Variants in PHACTR3 observed in about 807,000 individuals in gnomAD.
The protein encoded by PHACTR3 is phosphatase and actin regulator 3.
PHACTR3 carries 16 observed loss-of-function variants against 66.8 expected under a neutral mutation model. That is an observed-to-expected ratio of 0.24 (90% confidence interval 0.16 to 0.36). The LOEUF (loss-of-function observed/expected upper bound fraction) is 0.36. Ranked by LOEUF, PHACTR3 falls within the 10% of genes least tolerant of loss-of-function variation. The pLI, the probability that PHACTR3 is intolerant of heterozygous loss-of-function variation, is 1.00. For synonymous variants in PHACTR3, 323 were observed against 292.1 expected (o/e 1.11, Z -1.08); for missense variants, 647 against 719.9 (o/e 0.90, Z 1.16).
At chr20:59,831,216 C>T (rs1482588082) in intron 8 of PHACTR3, among the ~76,000 whole-genome samples, 1 of 152,204 alleles carries the variant, frequency 6.6e-6, no homozygotes, top group Non-Finnish European at 1.5e-5. Context: ...AACATACAGA[C>T]ATCCTTTTCC....
At chr20:59,684,249 T>C (rs2036773487) in intron 1 of PHACTR3, among the ~76,000 whole-genome samples, 1 of 152,144 alleles carries the variant, frequency 6.6e-6, no homozygotes, top group Admixed American at 6.5e-5. Context: ...GCTGTTTCTT[T>C]TTCAGTTTAT....
intron 1 of PHACTR3, among the ~76,000 whole-genome samples, chr20:59,737,237 G>T (rs1789341183): frequency 6.6e-6 from 1 of 152,120 alleles, no homozygotes; most frequent in Non-Finnish European, 1.5e-5. Context: ...CCCTGTCACA[G>T]TCGGTCAGTC....
intron 1 of PHACTR3, among the ~76,000 whole-genome samples, chr20:59,618,864 G>C (rs1289295714): frequency 1.3e-5 from 2 of 152,204 alleles, no homozygotes; most frequent in African/African-American, 2.4e-5. Flanking sequence ...CTGAGAGCCT[G>C]GAACTGTTTA....
chr20:59,783,435 C>G (rs2040798780), intron 7 of PHACTR3, among the ~76,000 whole-genome samples: 1 of 150,162 alleles, frequency 6.7e-6, no homozygotes, highest in African/African-American at 2.5e-5. Context: ...CCGCCCCGCC[C>G]CACCCCGGCC....
Position 59,824,869 on chromosome 20 carries a change from G to A in PHACTR3, c.1329-11636G>A, listed in dbSNP as rs114655909. On this transcript the variant is annotated intron_variant, in intron 8 of 12. Coordinates refer to ENST00000371015, the MANE Select transcript of PHACTR3 (RefSeq NM_080672.5). ...CCTCTGCTGATCTGGAGGTGGCACA[G>A]TGACGTGCTGTTTGGCACAACCACA... 2.4e-3 allele frequency among the ~76,000 whole-genome samples: 364 copies of A among 152,302 alleles called. 1 individual carries two copies. Among genetic ancestry groups the A allele is most frequent in the African/African-American group, 8.3e-3 (344 of 41,542 alleles).
intron 1 of PHACTR3, among the ~76,000 whole-genome samples, chr20:59,617,659 G>A (rs750850117): frequency 4.6e-5 from 7 of 152,200 alleles, no homozygotes; most frequent in Admixed American, 1.3e-4. Flanking sequence ...CTAACATTTC[G>A]TGGGGCTGAC....
At chr20:59,672,962 A>G (rs1397159737) in intron 1 of PHACTR3, among the ~76,000 whole-genome samples, 1 of 152,114 alleles carries the variant, frequency 6.6e-6, no homozygotes, top group Non-Finnish European at 1.5e-5. Flanking sequence ...GAGGGAAGGA[A>G]TTGGAGAGAG....
At chr20:59,686,977 ATGG>A (rs1453238059) in intron 1 of PHACTR3, among the ~76,000 whole-genome samples, 1 of 145,634 alleles carries the variant, frequency 6.9e-6, no homozygotes, top group East Asian at 2.1e-4. Context: ...GATTGTGATG[ATGG>A]TGATGATTGT....
chr20:59,694,670 G>A (rs927002453), intron 1 of PHACTR3, among the ~76,000 whole-genome samples: 3 of 152,172 alleles, frequency 2.0e-5, no homozygotes, highest in African/African-American at 7.2e-5. Flanking sequence ...CTGTGTGATG[G>A]AGTAATAGTA....
intron 1 of PHACTR3, among the ~76,000 whole-genome samples, chr20:59,734,458 A>G (rs1225082864): frequency 2.6e-5 from 4 of 152,036 alleles, no homozygotes; most frequent in South Asian, 4.2e-4. Flanking sequence ...GGGTCTCACT[A>G]CGTTGCCCAG....
Position 59,773,139 on chromosome 20 carries a change from T to A in PHACTR3, c.752-140T>A, listed in dbSNP as rs537353496. 7.7e-6 allele frequency: 7 copies of A among 912,698 alleles called. No homozygotes were observed. In the South Asian group the frequency reaches 9.7e-5, roughly 13 times the overall value. The allele number at this position is 912,698 out of a possible 1,614,324, so 56.5% of individuals were successfully genotyped here. A position where few individuals can be genotyped will look rare whatever the true frequency, so the allele number is the denominator to read the frequency against. Reference sequence around the variant, plus strand: ...CTAGCTTTGGGAGCAGGGATCCCGGTCCAGCATCTTGGCATTAGTTGGGGC... The same window carrying A: ...CTAGCTTTGGGAGCAGGGATCCCGGACCAGCATCTTGGCATTAGTTGGGGC... On this transcript the variant is annotated intron_variant, in intron 5 of 12. Coordinates refer to ENST00000371015, the MANE Select transcript of PHACTR3 (RefSeq NM_080672.5).
intron 7 of PHACTR3, among the ~76,000 whole-genome samples, chr20:59,790,801 G>A (rs955216415): frequency 2.6e-5 from 4 of 152,304 alleles, no homozygotes; most frequent in African/African-American, 7.2e-5. Flanking sequence ...GTTAGCAGTC[G>A]CTTTTTTTAG....
At chr20:59,622,267 C>T (rs2034270084) in intron 1 of PHACTR3, among the ~76,000 whole-genome samples, 1 of 151,954 alleles carries the variant, frequency 6.6e-6, no homozygotes, top group Admixed American at 6.5e-5. Context: ...GGAAGCTGGC[C>T]TTTGGGTCAG....
At chr20:59,750,543 AAAGGAGG>A (rs1346568808) in intron 3 of PHACTR3, among the ~76,000 whole-genome samples, 2 of 152,130 alleles carry the variant, frequency 1.3e-5, no homozygotes, top group South Asian at 2.1e-4. Flanking sequence ...GGGTTGGAGG[AAAGGAGG>A]AAGGAGGAAG....
In PHACTR3 at chr20:59,747,366, G is replaced by A. The variant is rs2039411805; in HGVS notation, c.281-392G>A. Among the ~76,000 whole-genome samples the A allele has an allele frequency of 2.6e-5, 4 of 152,204 alleles. No individual in the cohort carries two copies. In the South Asian group the frequency reaches 6.2e-4, roughly 24 times the overall value. ...CTTCGCAAAGGCGAACAGGAACCAC[G>A]GAAAGGAGCCCGGGGTGTTGGCGGC... On this transcript the variant is annotated intron_variant, in intron 2 of 12. Transcript: ENST00000371015.
At chr20:59,700,838 G>A (rs2037477913) in intron 1 of PHACTR3, among the ~76,000 whole-genome samples, 1 of 152,268 alleles carries the variant, frequency 6.6e-6, no homozygotes, top group East Asian at 1.9e-4. Flanking sequence ...CATCTAGGCA[G>A]GAGTGCACTG....
intron 7 of PHACTR3, among the ~76,000 whole-genome samples, chr20:59,802,682 G>T (rs2041449599): frequency 6.6e-6 from 1 of 152,196 alleles, no homozygotes; most frequent in African/African-American, 2.4e-5. Context: ...GCAGCTATCT[G>T]TGCCACTCTG....
At chr20:59,599,547 C>T (rs564182553), upstream of PHACTR3, among the ~76,000 whole-genome samples, 11 of 152,256 alleles carry the variant, frequency 7.2e-5, no homozygotes, top group Non-Finnish European at 1.2e-4. Flanking sequence ...GCTTGTCAAA[C>T]GGGGCTCCTC....
At chr20:59,781,246 G>T (rs902612521) in intron 7 of PHACTR3, among the ~76,000 whole-genome samples, 13 of 152,346 alleles carry the variant, frequency 8.5e-5, no homozygotes, top group African/African-American at 3.1e-4. Flanking sequence ...AGGGCAAGGG[G>T]AATTAATCAC....
Sources: gnomAD v4.1 joint callset for allele counts (sites outside exome capture counted in the v4.1 genomes callset) on GRCh38, gnomAD v4.1.1 for gene constraint, MANE v1.5 for transcripts, NCBI Gene and HGNC (gene_info 2026-07-23, HGNC 2026-07-21) for gene names.